The following FBXO10 variants were observed in gnomAD, a reference collection of about 807,000 sequenced individuals.
FBXO10 encodes the protein F-box protein 10.
In FBXO10, 39 loss-of-function variants were observed where a neutral mutation model predicts 80.7. That is an observed-to-expected ratio of 0.48 (90% CI 0.37 to 0.63). FBXO10 has a LOEUF of 0.63. FBXO10 is among the 30% of genes least tolerant of loss of function. The pLI, the probability that FBXO10 is intolerant of heterozygous loss-of-function variation, is 0.00. For missense variants in FBXO10, 1,025 were observed against 1,269.0 expected (o/e 0.81, Z 2.92); for synonymous variants, 449 against 489.6 (o/e 0.92, Z 1.09).
chr9:37,562,498 C>A (rs1385881422), intron 1 of FBXO10, among the ~76,000 whole-genome samples: 2 of 152,150 alleles, frequency 1.3e-5, no homozygotes. Flanking sequence ...GGAGGAAATT[C>A]CCTGTGGAAT....
intron 3 of FBXO10, chr9:37,536,038 G>A (rs1489152704): frequency 1.3e-5 from 2 of 152,190 alleles, no homozygotes; most frequent in African/African-American, 2.4e-5. Flanking sequence ...GTGTACAGGA[G>A]TCTTGCATTA....
intron 1 of FBXO10, among the ~76,000 whole-genome samples, chr9:37,563,755 C>G (rs1822536715): frequency 6.6e-6 from 1 of 152,182 alleles, no homozygotes; most frequent in African/African-American, 2.4e-5. Flanking sequence ...AACGACAAAG[C>G]ATTCAAGAGG....
At chr9:37,520,172 G>A (rs978981721) in intron 8 of FBXO10, among the ~76,000 whole-genome samples, 5 of 149,458 alleles carry the variant, frequency 3.3e-5, no homozygotes, top group Admixed American at 1.3e-4. Flanking sequence ...TCCATTTCCC[G>A]ACCCACCCAT....
intron 1 of FBXO10, among the ~76,000 whole-genome samples, chr9:37,566,676 G>A (rs1822616034): frequency 6.6e-6 from 1 of 152,118 alleles, no homozygotes; most frequent in South Asian, 2.1e-4. Flanking sequence ...CTAGCTTTGT[G>A]GAGTAAACTG....
At chr9:37,518,918 T>TC (rs1821255623) in intron 8 of FBXO10, among the ~76,000 whole-genome samples, 1 of 151,462 alleles carries the variant, frequency 6.6e-6, no homozygotes, top group African/African-American at 2.4e-5. Context: ...ATTTTCTTTT[T>TC]TTTTTTTTTG....
chr9:37,572,579 A>G (rs1236073386), intron 1 of FBXO10, among the ~76,000 whole-genome samples: 2 of 152,208 alleles, frequency 1.3e-5, no homozygotes, highest in Admixed American at 6.5e-5. Context: ...GTATGATTCT[A>G]TATGTATGAA....
intron 4 of FBXO10, among the ~76,000 whole-genome samples, chr9:37,530,646 C>T (rs1044959192): frequency 6.6e-6 from 1 of 152,060 alleles, no homozygotes; most frequent in Non-Finnish European, 1.5e-5. Flanking sequence ...GACAGGGTCT[C>T]GCTCTGTTGC....
intron 10 of FBXO10, among the ~76,000 whole-genome samples, chr9:37,513,535 A>G (rs1821113338): frequency 1.3e-5 from 2 of 151,990 alleles, no homozygotes; most frequent in Admixed American, 6.6e-5. Context: ...GACTCAAAAG[A>G]CTACATACTG....
rs926893436 is a variant in FBXO10, at chr9:37,521,641, T to C, written c.2128A>G (p.Lys710Glu). The C allele has an allele frequency of 3.1e-6, 5 of 1,613,924 alleles. No individual in the cohort carries two copies. Among genetic ancestry groups the C allele is most frequent in the Non-Finnish European group, 4.2e-6 (5 of 1,179,866 alleles). Residue 710 changes from lysine (K) to glutamate (E), a missense_variant, in exon 8 of 11, where the codon AAG becomes GAG. Coordinates refer to ENST00000432825, the MANE Select transcript of FBXO10 (RefSeq NM_012166.3). ...GGCCGGCGCAGTGGGTCGTCCTCCT[T>C]CTCCAGCTCTGTCTCCCAGAGGATG... ...DAILWETELE[K>E]EDDPLRRPIT...
chr9:37,574,778 A>G (rs947996102), intron 1 of FBXO10, among the ~76,000 whole-genome samples: 7 of 152,200 alleles, frequency 4.6e-5, no homozygotes, highest in Admixed American at 3.9e-4. Context: ...TATATATAAA[A>G]CATTATATAA....
At chr9:37,546,595 G>C (rs558779638) in intron 1 of FBXO10, among the ~76,000 whole-genome samples, 1 of 152,294 alleles carries the variant, frequency 6.6e-6, no homozygotes, top group South Asian at 2.1e-4. Context: ...CATGGTCTCT[G>C]TGCTCAAGTT....
At chr9:37,518,746 CA>C (rs1217159414) in intron 8 of FBXO10, among the ~76,000 whole-genome samples, 1 of 152,142 alleles carries the variant, frequency 6.6e-6, no homozygotes, top group East Asian at 1.9e-4. Flanking sequence ...CCTCCTGCAC[CA>C]CCGCCATCCT....
In FBXO10 at chr9:37,521,849, G is replaced by A. The variant is rs1821356013; in HGVS notation, c.1931-11C>T. 6.4e-7 allele frequency: 1 copy of A among 1,558,548 alleles called. No individual in the cohort carries two copies. The highest frequency in any genetic ancestry group is 1.8e-5 in the Admixed American group (1 of 56,940). On this transcript the variant is annotated splice_polypyrimidine_tract_variant and intron_variant, in intron 7 of 10. Transcript: ENST00000432825. ...CACAGCCCTTGTTAGCTGGGACAGTGAGAGGAGCTGGTCACCGACACTGAA... is the reference window on the plus strand; with the variant it reads ...CACAGCCCTTGTTAGCTGGGACAGTAAGAGGAGCTGGTCACCGACACTGAA...
At chr9:37,536,227 A>G (rs889940392) in intron 3 of FBXO10, among the ~76,000 whole-genome samples, 7 of 152,238 alleles carry the variant, frequency 4.6e-5, no homozygotes, top group Non-Finnish European at 1.0e-4. Flanking sequence ...GGGACCTTCC[A>G]ATAGCCAGTG....
At chr9:37,568,999 A>C (rs1822678441) in intron 1 of FBXO10, among the ~76,000 whole-genome samples, 1 of 152,230 alleles carries the variant, frequency 6.6e-6, no homozygotes. Flanking sequence ...AAAATAAGGC[A>C]GACCTAAACA....
Position 37,521,828 on chromosome 9 carries a change from G to A in FBXO10, c.1941C>T (p.Gly647=). The A allele has an allele frequency of 6.3e-7, 1 of 1,580,060 alleles. No homozygotes were observed. Among genetic ancestry groups the A allele is most frequent in the Non-Finnish European group, 8.6e-7 (1 of 1,165,054 alleles). The change falls in exon 8 of 11, where the codon GGC becomes GGT. Residue 647 remains glycine (G), a synonymous_variant. Transcript: ENST00000432825. ...IEGNTIYANK[G]CGVWMMSSSL... ...TGGACGACATCATCCACACACCACAGCCCTTGTTAGCTGGGACAGTGAGAG... is the reference window on the plus strand; with the variant it reads ...TGGACGACATCATCCACACACCACAACCCTTGTTAGCTGGGACAGTGAGAG...
intron 7 of FBXO10, 150 bp downstream of exon 7, chr9:37,522,675 G>A (rs10973394): frequency 0.65 from 753,908 of 1,157,860 alleles, 249,773 homozygotes; most frequent in East Asian, 0.73. Context: ...CTTTGTTCTG[G>A]GAGGGCCTGG....
chr9:37,561,884 G>A (rs1267454291), intron 1 of FBXO10, among the ~76,000 whole-genome samples: 1 of 152,242 alleles, frequency 6.6e-6, no homozygotes, highest in Non-Finnish European at 1.5e-5. Flanking sequence ...CATTTGAATA[G>A]AGACCTGAAT....
intron 1 of FBXO10, among the ~76,000 whole-genome samples, chr9:37,559,142 G>A (rs573997758): frequency 2.0e-5 from 3 of 152,286 alleles, no homozygotes; most frequent in South Asian, 4.1e-4. Context: ...GACTTAGTAG[G>A]ACCTCCCATA....
Sources: allele counts gnomAD v4.1 joint callset (sites outside exome capture counted in the v4.1 genomes callset), GRCh38; gene constraint gnomAD v4.1.1; transcripts MANE v1.5; gene names NCBI Gene and HGNC (gene_info 2026-07-23, HGNC 2026-07-21).